ZNF91: variants seen among roughly 807,000 people sequenced by gnomAD.
The protein encoded by ZNF91 is zinc finger protein 91 (HPF7, HTF10).
Under a neutral mutation model 12.6 loss-of-function variants are expected in ZNF91, and 7 were observed. That is an observed-to-expected ratio of 0.55 (90% confidence interval 0.31 to 1.04). ZNF91 has a LOEUF of 1.04. Ranked by LOEUF, ZNF91 falls within the 50% of genes least tolerant of loss-of-function variation. The pLI is 0.05. For missense variants in ZNF91, 1,217 were observed against 1,385.4 expected, an observed-to-expected ratio of 0.88 and a Z score of 1.93; for synonymous variants, 453 against 462.6, an observed-to-expected ratio of 0.98 and a Z score of 0.27.
At chr19:23,315,803 CT>C (rs1324312147) in intron 1 of ZNF91, among the ~76,000 whole-genome samples, 2 of 152,180 alleles carry the variant, frequency 1.3e-5, no homozygotes, top group African/African-American at 4.8e-5. Flanking sequence ...TCATGTGACA[CT>C]TCTGTCTAGG....
intron 1 of ZNF91, among the ~76,000 whole-genome samples, 157 bp downstream of exon 1, chr19:23,395,168 T>A (rs527407855): frequency 6.6e-6 from 1 of 152,230 alleles, no homozygotes; most frequent in Admixed American, 6.5e-5. Context: ...GCCGCCATCT[T>A]ATCGCTGAAG....
At chr19:23,325,398 T>C (rs1368899270) in intron 1 of ZNF91, 1 of 152,084 alleles carries the variant, frequency 6.6e-6, no homozygotes, top group Non-Finnish European at 1.5e-5. Flanking sequence ...TACCTGGGCG[T>C]GAGTTCTGTT....
In ZNF91 at chr19:23,360,753, G is replaced by C. The variant is rs1568383877; in HGVS notation, c.2226C>G (p.Tyr742Ter). 3 of 1,613,216 alleles carry C rather than the reference G, an allele frequency of 1.9e-6. No individual in the cohort carries two copies. The highest frequency in any genetic ancestry group is 8.5e-7 in the Non-Finnish European group (1 of 1,179,650). The change falls in exon 4 of 4, where the codon TAC becomes TAG. Residue 742 changes from tyrosine to a stop codon, truncating the protein, a stop_gained. Transcript: ENST00000300619. LOFTEE classifies it low-confidence loss of function (END_TRUNC). ...HKFIHTGEKPYKCEECGKAFN... is the reference protein window; with the variant it reads ...HKFIHTGEKP The stretch of plus-strand genomic sequence containing the variant: ...ATGCTTTGCCACATTCTTCACACTT[G>C]TAAGGTTTCTCTCCAGTATGAATAA...
chr19:23,306,726 C>T (rs1280820651), intron 3 of ZNF91: 1 of 148,586 alleles, frequency 6.7e-6, no homozygotes, highest in Non-Finnish European at 1.5e-5. Flanking sequence ...TCGCTGTTCC[C>T]TTCTCAAATG....
chr19:23,384,249 T>A (rs9305004), intron 1 of ZNF91, among the ~76,000 whole-genome samples: 1 of 151,962 alleles, frequency 6.6e-6, no homozygotes, highest in African/African-American at 2.4e-5. Flanking sequence ...ACAAATAACT[T>A]CAGTATAATT....
downstream of ZNF91, among the ~76,000 whole-genome samples, chr19:23,352,912 A>G (rs530594571): frequency 8.5e-5 from 13 of 152,318 alleles, no homozygotes; most frequent in Non-Finnish European, 1.3e-4. Context: ...AAACATCACA[A>G]TCCTAAACAT....
At chr19:23,349,830 A>AAAAC (rs997506163) in intron 3 of ZNF91, among the ~76,000 whole-genome samples, 10 of 152,206 alleles carry the variant, frequency 6.6e-5, no homozygotes, top group East Asian at 3.8e-4. Context: ...ATAATAATTT[A>AAAAC]AAACAAACAA....
intron 3 of ZNF91, among the ~76,000 whole-genome samples, chr19:23,364,314 G>T (rs940636192): frequency 1.3e-5 from 2 of 152,056 alleles, no homozygotes; most frequent in African/African-American, 4.8e-5. Flanking sequence ...GTGCGTGGTG[G>T]CACATGCCTG....
intron 1 of ZNF91, among the ~76,000 whole-genome samples, chr19:23,316,930 G>A: frequency 6.6e-6 from 1 of 152,284 alleles, no homozygotes; most frequent in East Asian, 1.9e-4. Flanking sequence ...CACAGGTGAG[G>A]TCCTGAATCT....
chr19:23,392,151 G>A (rs1307282966), intron 1 of ZNF91, among the ~76,000 whole-genome samples: 1 of 151,858 alleles, frequency 6.6e-6, no homozygotes, highest in African/African-American at 2.4e-5. Flanking sequence ...ATTCCAGCAC[G>A]TTGGGAGGCT....
chr19:23,392,863 A>G (rs1341578063), intron 1 of ZNF91, among the ~76,000 whole-genome samples: 1 of 152,052 alleles, frequency 6.6e-6, no homozygotes, highest in East Asian at 1.9e-4. Context: ...AGATACAGAT[A>G]TGTCTTCCTC....
At position 23,384,817 on chromosome 19, in the gene ZNF91, G is replaced by C. The variant is rs1209813724; in HGVS notation, c.31-10053C>G. ...CAGCACCTCAGACTCTGTGTTCACA[G>C]AAACACCCTCCTCAGTGGTCAAAAA... On this transcript the variant is annotated intron_variant, in intron 1 of 3. Transcript: ENST00000300619. The C allele has an allele frequency of 1.6e-5, 11 of 696,800 alleles. No homozygotes were observed. In the Admixed American group the frequency reaches 1.8e-4, roughly 11 times the overall value. The allele number at this position is 696,800 out of a possible 1,614,324, so 43.2% of individuals were successfully genotyped here. A position where few individuals can be genotyped will look rare whatever the true frequency, so the allele number is the denominator to read the frequency against.
chr19:23,323,270 TTC>T (rs924817913), intron 1 of ZNF91, among the ~76,000 whole-genome samples: 15 of 146,460 alleles, frequency 1.0e-4, no homozygotes, highest in African/African-American at 3.3e-4. Flanking sequence ...GTTCCTTTTC[TTC>T]TTTCTTCTCT....
In ZNF91 at chr19:23,332,909, T is replaced by C. The variant is rs1233959843; in HGVS notation, n.117-23812A>G. Among the ~76,000 whole-genome samples the C allele has an allele frequency of 2.0e-5, 3 of 151,866 alleles. No homozygotes were observed. The East Asian group carries it at 5.8e-4, about 29-fold the overall frequency. On this transcript the variant is annotated intron_variant and non_coding_transcript_variant, in intron 1 of 1. Coordinates refer to the ZNF91 transcript ENST00000596528. ...GCTGAGACCCAGTGGGAAAGAAGAG[T>C]GAAACCCTGAACAAAGCCTGTCAAG... is the stretch of plus-strand genomic sequence containing the variant.
chr19:23,350,312 G>T (rs1181836946), intron 3 of ZNF91, among the ~76,000 whole-genome samples: 2 of 152,112 alleles, frequency 1.3e-5, no homozygotes, highest in Non-Finnish European at 2.9e-5. Context: ...CTCTAATTTA[G>T]GGGGATTTAA....
intron 1 of ZNF91, among the ~76,000 whole-genome samples, chr19:23,395,115 G>C (rs1461171649): frequency 6.6e-6 from 1 of 152,166 alleles, no homozygotes; most frequent in African/African-American, 2.4e-5. Context: ...ACAGTCACTG[G>C]GCAGGGAAGA....
intron 3 of ZNF91, among the ~76,000 whole-genome samples, chr19:23,348,266 T>A (rs892916393): frequency 6.6e-6 from 1 of 152,200 alleles, no homozygotes; most frequent in Non-Finnish European, 1.5e-5. Context: ...TTTGAAATCA[T>A]GTATGGCTGA....
At chr19:23,380,516 G>A (rs1177284254) in intron 1 of ZNF91, 1 of 151,870 alleles carries the variant, frequency 6.6e-6, no homozygotes, top group Non-Finnish European at 1.5e-5. Context: ...GACATTATGG[G>A]ATACTAATAG....
Position 23,359,023 on chromosome 19 carries a change from T to G in ZNF91, c.*380A>C. On this transcript the variant is annotated 3_prime_UTR_variant, in exon 4 of 4. Transcript: ENST00000300619. The stretch of plus-strand genomic sequence containing the variant: ...CTGGTTAAAGGCTTTGCCAAATTTT[T>G]CCTGTTTGTAGGGTTGCTGTCCAGT... 1.9e-6 allele frequency: 1 copy of G among 514,848 alleles called. No homozygotes were observed. Among genetic ancestry groups the G allele is most frequent in the Non-Finnish European group, 3.8e-6 (1 of 264,064 alleles). The allele number at this position is 514,848 out of a possible 1,614,324, so 31.9% of individuals were successfully genotyped here.
Sources: gnomAD v4.1 joint callset for allele counts (sites outside exome capture counted in the v4.1 genomes callset) on GRCh38, gnomAD v4.1.1 for gene constraint, MANE v1.5 for transcripts, NCBI Gene and HGNC (gene_info 2026-07-23, HGNC 2026-07-21) for gene names.